The following RORB variants were observed in gnomAD, a reference collection of about 807,000 sequenced individuals.
The protein encoded by RORB is nuclear receptor ROR-beta.
A neutral mutation model predicts 59.1 loss-of-function variants in RORB; 6 were observed. The observed-to-expected ratio is 0.10, with a 90% CI of 0.06 to 0.20. The LOEUF (loss-of-function observed/expected upper bound fraction) is 0.20, where lower values mean the gene tolerates loss of function less well. RORB is among the 10% of genes least tolerant of loss of function. The pLI is 1.00. For synonymous variants in RORB, 215 were observed against 204.5 expected, an observed-to-expected ratio of 1.05 and a Z score of -0.44; for missense variants, 320 against 560.5, an observed-to-expected ratio of 0.57 and a Z score of 4.33.
At chr9:74,542,839 T>C (rs1046869157) in intron 1 of RORB, among the ~76,000 whole-genome samples, 1 of 152,186 alleles carries the variant, frequency 6.6e-6, no homozygotes, top group African/African-American at 2.4e-5. Flanking sequence ...GGAAAGCCTC[T>C]GGGAGTATAA....
intron 1 of RORB, among the ~76,000 whole-genome samples, chr9:74,502,079 A>C (rs1365728296): frequency 6.6e-6 from 1 of 152,174 alleles, no homozygotes; most frequent in Admixed American, 6.5e-5. Flanking sequence ...CTCTTAACCA[A>C]ATATGAATGT....
chr9:74,615,551 A>G (rs753359791), intron 1 of RORB: 4 of 448,504 alleles, frequency 8.9e-6, no homozygotes, highest in Middle Eastern at 6.6e-4. Context: ...AGACCTCCCC[A>G]GTGAAAAGTA....
intron 1 of RORB, among the ~76,000 whole-genome samples, chr9:74,616,261 T>C (rs2118370597): frequency 6.6e-6 from 1 of 152,304 alleles, no homozygotes; most frequent in South Asian, 2.1e-4. Context: ...AAATGATTTA[T>C]TGTAATTTCC....
At chr9:74,502,051 T>C (rs568697238) in intron 1 of RORB, among the ~76,000 whole-genome samples, 204 of 152,264 alleles carry the variant, frequency 1.3e-3, no homozygotes, top group South Asian at 0.011. Flanking sequence ...TTAATATAAA[T>C]AAAAACATTA....
chr9:74,642,445 A>G lies in RORB; in HGVS notation c.267A>G (p.Gln89=). Residue 89 remains glutamine (Q), a synonymous_variant, in exon 4 of 10, where the codon CAA becomes CAG. Transcript: ENST00000376896. The part of the protein sequence containing the change: ...AVKFGRMSKK[Q]RDSLYAEVQK... ...AGTTTGGGAGGATGTCCAAGAAGCA[A>G]AGGGACAGCCTGTATGCTGAGGTGC... 1 of 1,612,710 alleles carries G rather than the reference A, an allele frequency of 6.2e-7. No individual in the cohort carries two copies. The highest frequency in any genetic ancestry group is 8.5e-7 in the Non-Finnish European group (1 of 1,179,268).
chr9:74,594,180 A>C (rs1402471260), intron 1 of RORB, among the ~76,000 whole-genome samples: 2 of 152,198 alleles, frequency 1.3e-5, no homozygotes, highest in Non-Finnish European at 2.9e-5. Flanking sequence ...GACTGAAATA[A>C]GGAACATTTA....
intron 1 of RORB, among the ~76,000 whole-genome samples, chr9:74,519,702 C>T (rs1327472595): frequency 1.3e-5 from 2 of 151,920 alleles, no homozygotes; most frequent in African/African-American, 2.4e-5. Flanking sequence ...CTGTCGTCTC[C>T]GAAGCTCGGG....
chr9:74,573,066 A>G (rs1389629340), intron 1 of RORB, among the ~76,000 whole-genome samples: 1 of 152,212 alleles, frequency 6.6e-6, no homozygotes, highest in African/African-American at 2.4e-5. Context: ...TACTAAGTAT[A>G]TAACTTGAGG....
chr9:74,633,429 T>C (rs1438083505), intron 2 of RORB, among the ~76,000 whole-genome samples: 1 of 152,166 alleles, frequency 6.6e-6, no homozygotes, highest in Non-Finnish European at 1.5e-5. Context: ...TTTTCTAGAC[T>C]TTCTCCATCC....
At chr9:74,519,983 G>A (rs1381489624) in intron 1 of RORB, among the ~76,000 whole-genome samples, 1 of 151,632 alleles carries the variant, frequency 6.6e-6, no homozygotes, top group Non-Finnish European at 1.5e-5. Context: ...GTACAATAAT[G>A]CACTATATAT....
At chr9:74,671,455 C>T (rs889869235) in intron 8 of RORB, among the ~76,000 whole-genome samples, 4 of 152,112 alleles carry the variant, frequency 2.6e-5, no homozygotes, top group African/African-American at 4.8e-5. Flanking sequence ...CTTCACAAAT[C>T]GCTAACTTCT....
rs749891772 is a variant in RORB, at chr9:74,630,331, G to C, written c.57G>C (p.Gly19=). ...AAATTTGTGGCGATAAGTCCTCTGG[G>C]ATCCACTACGGAGTCATCACATGTG... ...PCKICGDKSS[G]IHYGVITCEG... is the part of the protein sequence containing the mutation. Residue 19 remains glycine (G), a synonymous_variant, in exon 2 of 10, where the codon GGG becomes GGC. Transcript: ENST00000376896. The C allele has an allele frequency of 6.2e-7, 1 of 1,613,420 alleles. No homozygotes were observed. The highest frequency in any genetic ancestry group is 8.5e-7 in the Non-Finnish European group (1 of 1,179,630).
chr9:74,674,353 T>TA (rs1328155087), intron 9 of RORB, among the ~76,000 whole-genome samples: 4 of 152,116 alleles, frequency 2.6e-5, no homozygotes, highest in East Asian at 1.9e-4. Flanking sequence ...AACCTGTCTC[T>TA]AAAAAAATGC....
At position 74,691,393 on chromosome 9, in the gene RORB, C is replaced by T. The variant is rs1824739392; in HGVS notation, c.*5775C>T. 1.3e-5 allele frequency: 2 copies of T among 152,174 alleles called. No individual in the cohort carries two copies. Among genetic ancestry groups the T allele is most frequent in the African/African-American group, 4.8e-5 (2 of 41,440 alleles). 9.4% of individuals were successfully genotyped at this position (152,174 alleles called of 1,614,324 possible). On this transcript the variant is annotated 3_prime_UTR_variant, in exon 10 of 10. Transcript: ENST00000376896. ...TCTGTCACAACCATACGTAGAAACACATTAGGTATGTCTGGAAAGCTACAA... is the reference window on the plus strand; with the variant it reads ...TCTGTCACAACCATACGTAGAAACATATTAGGTATGTCTGGAAAGCTACAA...
At chr9:74,662,206 C>G (rs1824199084) in intron 5 of RORB, among the ~76,000 whole-genome samples, 1 of 152,078 alleles carries the variant, frequency 6.6e-6, no homozygotes, top group Non-Finnish European at 1.5e-5. Context: ...AAGAAAATAA[C>G]AAAGCTATCC....
At chr9:74,648,236 C>A (rs942261482) in intron 4 of RORB, among the ~76,000 whole-genome samples, 1 of 152,186 alleles carries the variant, frequency 6.6e-6, no homozygotes, top group Non-Finnish European at 1.5e-5. Context: ...CATCTAACCC[C>A]TCTCTCACCC....
intron 3 of RORB, among the ~76,000 whole-genome samples, chr9:74,640,344 G>T (rs997221265): frequency 6.6e-6 from 1 of 152,052 alleles, no homozygotes; most frequent in Non-Finnish European, 1.5e-5. Context: ...GGGTTCAAGG[G>T]ATTCTCCTGC....
intron 1 of RORB, among the ~76,000 whole-genome samples, chr9:74,581,438 A>G (rs757328369): frequency 2.2e-4 from 33 of 152,274 alleles, no homozygotes; most frequent in Non-Finnish European, 3.8e-4. Flanking sequence ...TTTGTTTTTC[A>G]TCTCTTATCC....
At chr9:74,552,980 A>G (rs1232766543) in intron 1 of RORB, among the ~76,000 whole-genome samples, 1 of 152,162 alleles carries the variant, frequency 6.6e-6, no homozygotes, top group Non-Finnish European at 1.5e-5. Context: ...AGGAAGAAAT[A>G]AACTTGGAAT....
Sources: gnomAD v4.1 joint callset for allele counts (sites outside exome capture counted in the v4.1 genomes callset) on GRCh38, gnomAD v4.1.1 for gene constraint, MANE v1.5 for transcripts, NCBI Gene and HGNC (gene_info 2026-07-23, HGNC 2026-07-21) for gene names.